The following EYS variants were observed in gnomAD, a reference collection of about 807,000 sequenced individuals.
The protein encoded by EYS is EGF-like photoreceptor maintenance factor.
In EYS, 250 loss-of-function variants were observed where a neutral mutation model predicts 282.1. The ratio of observed to expected loss-of-function variants is 0.89; its 90% CI spans 0.80 to 0.98. EYS has a LOEUF of 0.98. Ranked by LOEUF, EYS falls within the 50% of genes least tolerant of loss-of-function variation. The pLI is 0.00. For missense variants in EYS, 4,016 were observed against 3,709.0 expected (o/e 1.08, Z -2.15); for synonymous variants, 1,355 against 1,282.9 (o/e 1.06, Z -1.20).
chr6:63,925,189 TA>T (rs1236368270), intron 35 of EYS, among the ~76,000 whole-genome samples: 2 of 152,188 alleles, frequency 1.3e-5, no homozygotes, highest in South Asian at 4.1e-4. Context: ...AATGCCCTAG[TA>T]AGGGGAGAAG....
intron 26 of EYS, among the ~76,000 whole-genome samples, chr6:64,559,000 T>C (rs905200729): frequency 1.3e-5 from 2 of 152,164 alleles, no homozygotes; most frequent in Non-Finnish European, 2.9e-5. Flanking sequence ...TGTTAACTAA[T>C]AGTTACATGC....
chr6:65,679,613 T>C (rs1768747035), intron 1 of EYS, among the ~76,000 whole-genome samples: 1 of 152,038 alleles, frequency 6.6e-6, no homozygotes, highest in African/African-American at 2.4e-5. Context: ...TTTAGAAACC[T>C]TTTCTACAAT....
intron 22 of EYS, among the ~76,000 whole-genome samples, chr6:64,791,419 T>G (rs530292597): frequency 6.6e-6 from 1 of 151,838 alleles, no homozygotes; most frequent in Non-Finnish European, 1.5e-5. Flanking sequence ...CAATGTACCA[T>G]AAAGCTGTTT....
chr6:64,081,002 C>T (rs1027876705), intron 32 of EYS, among the ~76,000 whole-genome samples: 1 of 151,840 alleles, frequency 6.6e-6, no homozygotes, highest in African/African-American at 2.4e-5. Flanking sequence ...ATGCCTCCAG[C>T]TTTGTTCTTT....
intron 12 of EYS, among the ~76,000 whole-genome samples, chr6:65,192,487 C>T (rs980307597): frequency 4.0e-5 from 6 of 151,670 alleles, no homozygotes; most frequent in African/African-American, 7.3e-5. Context: ...ACAAAAAAGG[C>T]TAAGTTCATA....
chr6:63,986,845 G>A (rs1195643075), intron 34 of EYS, among the ~76,000 whole-genome samples: 2 of 151,546 alleles, frequency 1.3e-5, no homozygotes, highest in Admixed American at 6.6e-5. Flanking sequence ...TTAATTCCCA[G>A]GTGATGAAAT....
intron 12 of EYS, among the ~76,000 whole-genome samples, chr6:65,261,365 G>T (rs1390383596): frequency 6.6e-6 from 1 of 151,874 alleles, no homozygotes; most frequent in South Asian, 2.1e-4. Flanking sequence ...TATACAAAGT[G>T]AGCAGAAAAT....
chr6:64,138,013 G>A (rs1410203834), intron 31 of EYS, among the ~76,000 whole-genome samples: 1 of 152,156 alleles, frequency 6.6e-6, no homozygotes, highest in South Asian at 2.1e-4. Flanking sequence ...TTAAGCAATC[G>A]AGAGAATAGT....
chr6:64,739,917 T>C (rs1421264247), intron 22 of EYS, among the ~76,000 whole-genome samples: 1 of 152,148 alleles, frequency 6.6e-6, no homozygotes, highest in Admixed American at 6.5e-5. Context: ...TTTTAAACTC[T>C]TATTTTATGT....
At chr6:64,544,326 T>C (rs921524133) in intron 26 of EYS, among the ~76,000 whole-genome samples, 1 of 152,288 alleles carries the variant, frequency 6.6e-6, no homozygotes, top group South Asian at 2.1e-4. Context: ...AAAGAAAGTG[T>C]TGCAATTAAG....
intron 12 of EYS, among the ~76,000 whole-genome samples, chr6:65,214,268 T>C (rs1320023597): frequency 6.8e-6 from 1 of 146,854 alleles, no homozygotes; most frequent in Non-Finnish European, 1.5e-5. Flanking sequence ...AAAAATTTGG[T>C]GAAAGAAATT....
intron 26 of EYS, among the ~76,000 whole-genome samples, chr6:64,449,913 T>C (rs567407787): frequency 6.6e-6 from 1 of 152,248 alleles, no homozygotes; most frequent in East Asian, 1.9e-4. Flanking sequence ...TGCCAAATTG[T>C]AAAGACCGTC....
At chr6:63,968,053 C>A (rs920870713) in intron 35 of EYS, among the ~76,000 whole-genome samples, 2 of 152,072 alleles carry the variant, frequency 1.3e-5, no homozygotes, top group Non-Finnish European at 2.9e-5. Flanking sequence ...GTCACAAGTA[C>A]CACTAGAATT....
intron 12 of EYS, among the ~76,000 whole-genome samples, chr6:65,281,568 G>A (rs1348536006): frequency 5.3e-5 from 8 of 152,120 alleles, no homozygotes; most frequent in Admixed American, 1.3e-4. Context: ...ACTTTTGAAA[G>A]ATCACATAAA....
At chr6:64,188,599 C>T (rs188138324) in intron 31 of EYS, among the ~76,000 whole-genome samples, 252 of 152,184 alleles carry the variant, frequency 1.7e-3, no homozygotes, top group African/African-American at 5.8e-3. Context: ...GGCATTAAAT[C>T]GGATAATTTA....
chr6:64,234,548 T>C (rs1320260660), intron 30 of EYS, among the ~76,000 whole-genome samples: 2 of 152,194 alleles, frequency 1.3e-5, no homozygotes, highest in African/African-American at 4.8e-5. Flanking sequence ...AATAGTTACA[T>C]TGAGATATAA....
At chr6:65,524,007 G>A (rs1767467404) in intron 2 of EYS, among the ~76,000 whole-genome samples, 1 of 152,150 alleles carries the variant, frequency 6.6e-6, no homozygotes, top group Non-Finnish European at 1.5e-5. Context: ...GAGTAGCTGG[G>A]ATTACAGACA....
intron 2 of EYS, among the ~76,000 whole-genome samples, chr6:65,591,508 A>C (rs1765232907): frequency 6.6e-6 from 1 of 151,966 alleles, no homozygotes; most frequent in African/African-American, 2.4e-5. Flanking sequence ...TCTAGATATT[A>C]TCTTTTCTCT....
intron 19 of EYS, among the ~76,000 whole-genome samples, chr6:64,835,102 G>A (rs1197629742): frequency 2.0e-5 from 3 of 151,586 alleles, no homozygotes; most frequent in Admixed American, 6.6e-5. Context: ...GGAAGCAAGG[G>A]CTTATTTATA....
Sources: gnomAD v4.1 joint callset for allele counts (sites outside exome capture counted in the v4.1 genomes callset) on GRCh38, gnomAD v4.1.1 for gene constraint, MANE v1.5 for transcripts, NCBI Gene and HGNC (gene_info 2026-07-23, HGNC 2026-07-21) for gene names.